The following ZNF385B variants were observed in gnomAD, a reference collection of about 807,000 sequenced individuals.
ZNF385B encodes the protein zinc finger protein 385B, also known as zinc finger protein 533.
In ZNF385B, 23 loss-of-function variants were observed where a neutral mutation model predicts 39.2. The ratio of observed to expected loss-of-function variants is 0.59; its 90% CI spans 0.42 to 0.83. The LOEUF is 0.83. Ranked by LOEUF, ZNF385B falls within the 40% of genes least tolerant of loss-of-function variation. ZNF385B has a pLI of 0.00. For missense variants in ZNF385B, 552 were observed against 598.9 expected (o/e 0.92, Z 0.82); for synonymous variants, 205 against 222.6 (o/e 0.92, Z 0.70).
intron 3 of ZNF385B, among the ~76,000 whole-genome samples, chr2:179,644,224 T>C (rs549918911): frequency 2.0e-4 from 31 of 152,284 alleles, no homozygotes; most frequent in African/African-American, 5.8e-4. Context: ...TGAAGCTCGC[T>C]TTGTTAGTGC....
chr2:179,595,741 T>C (rs1440133699), intron 3 of ZNF385B, among the ~76,000 whole-genome samples: 1 of 147,658 alleles, frequency 6.8e-6, no homozygotes, highest in Non-Finnish European at 1.5e-5. Context: ...TCTGCATACC[T>C]AAGTGCAACC....
At chr2:179,849,925 C>A (rs914445310) in intron 1 of ZNF385B, among the ~76,000 whole-genome samples, 2 of 152,154 alleles carry the variant, frequency 1.3e-5, no homozygotes, top group Non-Finnish European at 2.9e-5. Context: ...GATGGGTATG[C>A]AGCACAACCT....
chr2:179,540,739 C>G (rs760940099), intron 4 of ZNF385B, among the ~76,000 whole-genome samples: 21 of 152,114 alleles, frequency 1.4e-4, no homozygotes, highest in Admixed American at 1.2e-3. Context: ...ATCTGATGTT[C>G]TAGTGAAGAA....
At chr2:179,791,140 C>T (rs1421470663) in intron 1 of ZNF385B, among the ~76,000 whole-genome samples, 3 of 152,156 alleles carry the variant, frequency 2.0e-5, no homozygotes, top group Non-Finnish European at 2.9e-5. Flanking sequence ...AATCTCCTTC[C>T]GTGATCACTT....
chr2:179,785,623 G>A (rs958453263), intron 1 of ZNF385B, among the ~76,000 whole-genome samples: 2 of 152,108 alleles, frequency 1.3e-5, no homozygotes, highest in Admixed American at 6.6e-5. Context: ...TTAAGTGGAG[G>A]AAGTAACTGC....
chr2:179,704,018 G>A (rs1699405007), intron 3 of ZNF385B, among the ~76,000 whole-genome samples: 1 of 152,174 alleles, frequency 6.6e-6, no homozygotes, highest in Non-Finnish European at 1.5e-5. Flanking sequence ...AGGCTAGAGA[G>A]ACACTGATGA....
intron 1 of ZNF385B, among the ~76,000 whole-genome samples, chr2:179,825,701 G>A (rs1446254487): frequency 6.6e-6 from 1 of 152,168 alleles, no homozygotes; most frequent in Non-Finnish European, 1.5e-5. Context: ...CAAGCCATCT[G>A]AGAATGGACC....
chr2:179,457,575 C>A (rs913187055), intron 6 of ZNF385B, among the ~76,000 whole-genome samples: 1 of 152,058 alleles, frequency 6.6e-6, no homozygotes, highest in African/African-American at 2.4e-5. Flanking sequence ...TTTAGCCATT[C>A]TAGTGGAGGT....
intron 1 of ZNF385B, among the ~76,000 whole-genome samples, chr2:179,786,545 G>A (rs1011074968): frequency 2.6e-5 from 4 of 152,006 alleles, no homozygotes; most frequent in South Asian, 4.1e-4. Flanking sequence ...GAAAGAACAC[G>A]GGTAAGACTA....
At chr2:179,601,482 A>C (rs1688405301) in intron 3 of ZNF385B, among the ~76,000 whole-genome samples, 2 of 152,252 alleles carry the variant, frequency 1.3e-5, no homozygotes, top group South Asian at 4.1e-4. Context: ...AAAGTTTCTA[A>C]ATCTAAGTAT....
chr2:179,809,524 G>T (rs1446183341), intron 1 of ZNF385B, among the ~76,000 whole-genome samples: 1 of 152,030 alleles, frequency 6.6e-6, no homozygotes, highest in Non-Finnish European at 1.5e-5. Context: ...AAGTCACAGA[G>T]TTCTATCGTT....
chr2:179,754,873 A>G (rs1244623437), intron 3 of ZNF385B, among the ~76,000 whole-genome samples: 1 of 152,080 alleles, frequency 6.6e-6, no homozygotes, highest in Admixed American at 6.6e-5. Context: ...TGATCTTTTC[A>G]AAAAACCAGC....
At chr2:179,806,319 G>A (rs1230695133) in intron 1 of ZNF385B, among the ~76,000 whole-genome samples, 1 of 152,054 alleles carries the variant, frequency 6.6e-6, no homozygotes, top group Non-Finnish European at 1.5e-5. Flanking sequence ...AAGACAACAT[G>A]CCCCTCAATT....
intron 9 of ZNF385B, 121 bp from the exon 10 acceptor site, chr2:179,443,589 C>G (rs1004441750): frequency 1.9e-5 from 15 of 770,276 alleles, no homozygotes; most frequent in Middle Eastern, 3.6e-4. Context: ...AAAATCTTCA[C>G]TCTCAGAAGT....
chr2:179,670,847 A>G lies in ZNF385B; in HGVS notation c.298+98656T>C, dbSNP rs139970337. On this transcript the variant is annotated intron_variant, in intron 3 of 9. Coordinates refer to ENST00000410066, the MANE Select transcript of ZNF385B (RefSeq NM_152520.6). ...ATCCTCCAGAGCAAATCCAGCCTTC[A>G]TTGTGAGCAGTGGAGGATAAAGGCT... Among the ~76,000 whole-genome samples, 117 of 152,364 alleles carry G rather than the reference A, an allele frequency of 7.7e-4. 1 individual carries two copies. Among genetic ancestry groups the G allele is most frequent in the African/African-American group, 2.7e-3 (112 of 41,588 alleles).
intron 3 of ZNF385B, among the ~76,000 whole-genome samples, chr2:179,723,655 AAC>A (rs1413018192): frequency 6.6e-6 from 1 of 152,194 alleles, no homozygotes; most frequent in East Asian, 1.9e-4. Flanking sequence ...GAGAATAATT[AAC>A]ACACAATTCC....
intron 3 of ZNF385B, among the ~76,000 whole-genome samples, chr2:179,643,495 C>A (rs2106226185): frequency 6.6e-6 from 1 of 152,194 alleles, no homozygotes; most frequent in South Asian, 2.1e-4. Flanking sequence ...TCTAGTTCCA[C>A]TGTGTTATCA....
chr2:179,684,606 A>C (rs1233046755), intron 3 of ZNF385B, among the ~76,000 whole-genome samples: 1 of 152,234 alleles, frequency 6.6e-6, no homozygotes, highest in Non-Finnish European at 1.5e-5. Context: ...AGGAAGGAAG[A>C]AAAAAATCAT....
chr2:179,777,507 C>A lies in ZNF385B; in HGVS notation c.-154-6835G>T, dbSNP rs567097311. Among the ~76,000 whole-genome samples, 4 of 151,992 alleles carry A rather than the reference C, an allele frequency of 2.6e-5. No homozygotes were observed. The East Asian group carries it at 7.7e-4, about 29-fold the overall frequency. Reference sequence around the variant, plus strand: ...AAATACACATATCTATAAACAAATACTATTAGGATGGAAATCAGATTATAC... The same window carrying A: ...AAATACACATATCTATAAACAAATAATATTAGGATGGAAATCAGATTATAC... On this transcript the variant is annotated intron_variant, in intron 1 of 9. Transcript: ENST00000410066.
Sources: gnomAD v4.1 joint callset for allele counts (sites outside exome capture counted in the v4.1 genomes callset) on GRCh38, gnomAD v4.1.1 for gene constraint, MANE v1.5 for transcripts, NCBI Gene and HGNC (gene_info 2026-07-23, HGNC 2026-07-21) for gene names.